The following MCRIP2 variants were observed in gnomAD, a reference collection of about 807,000 sequenced individuals.
MCRIP2 encodes the protein MAPK regulated corepressor interacting protein 2.
In MCRIP2, 21 loss-of-function variants were observed where a neutral mutation model predicts 23.2. The observed-to-expected ratio is 0.90, with a 90% CI of 0.64 to 1.30. The LOEUF is 1.30. Among genes scored for constraint, MCRIP2 ranks in the 50% most tolerant of loss-of-function variants. MCRIP2 has a pLI of 0.00. For synonymous variants in MCRIP2, 121 were observed against 100.2 expected (o/e 1.21, Z -1.24); for missense variants, 234 against 223.2 (o/e 1.05, Z -0.31).
At chr16:647,689 C>A in intron 3 of MCRIP2, 94 bp from the exon 4 acceptor site, 1 of 1,510,630 alleles carries the variant, frequency 6.6e-7, no homozygotes, top group South Asian at 1.2e-5. Context: ...GTGACCAGCC[C>A]TGTGTGGGGC....
At chr16:642,064 G>C in intron 1 of MCRIP2, 21 bp downstream of exon 1, 1 of 1,318,742 alleles carries the variant, frequency 7.6e-7, no homozygotes, top group Non-Finnish European at 9.6e-7. Context: ...GCCGGGGAAC[G>C]GGAACGGGGA....
chr16:645,956 G>A (rs897227020), intron 2 of MCRIP2: 2 of 152,238 alleles, frequency 1.3e-5, no homozygotes, highest in Non-Finnish European at 2.9e-5. Context: ...GAGGGGAGAG[G>A]AGAGGATGCA....
At chr16:647,697 G>A in intron 3 of MCRIP2, 86 bp from the exon 4 acceptor site, 2 of 1,512,352 alleles carry the variant, frequency 1.3e-6, no homozygotes, top group South Asian at 2.4e-5. Context: ...CCCTGTGTGG[G>A]GCTGGAGTCC....
chr16:642,066 G>A, intron 1 of MCRIP2, 23 bp downstream of exon 1: 1 of 1,319,014 alleles, frequency 7.6e-7, no homozygotes, highest in Non-Finnish European at 9.6e-7. Flanking sequence ...CGGGGAACGG[G>A]AACGGGGACG....
At chr16:642,842 T>A (rs1217562461) in intron 2 of MCRIP2, 1 of 152,192 alleles carries the variant, frequency 6.6e-6, no homozygotes, top group African/African-American at 2.4e-5. Flanking sequence ...GACCCAGAGG[T>A]TGGACAGCCC....
At chr16:643,852 G>A (rs976297799) in intron 2 of MCRIP2, among the ~76,000 whole-genome samples, 3 of 152,222 alleles carry the variant, frequency 2.0e-5, no homozygotes, top group African/African-American at 7.2e-5. Context: ...AAGTCCCCAT[G>A]TGAGGTCCTC....
Position 646,151 on chromosome 16 carries a change from GC to G in MCRIP2, c.183-1264del, listed in dbSNP as rs1475438380. ...TCCTGGGGCCCATCTCTGCCCGAGA[GC>G]CGCCACCTCCGCCCTTCGATTCACA... On this transcript the variant is annotated intron_variant, in intron 2 of 4. Transcript: ENST00000307650. This position sits in a 1 kb window ranked among gnomAD's most constrained non-coding sequence, Gnocchi z 6.5. 6.6e-6 allele frequency: 1 copy of G among 152,178 alleles called. No individual in the cohort carries two copies. The highest frequency in any genetic ancestry group is 6.5e-5 in the Admixed American group (1 of 15,284). The allele number at this position is 152,178 out of a possible 1,614,324, so 9.4% of individuals were successfully genotyped here.
chr16:642,299 G>A (rs2037366397), intron 2 of MCRIP2, 50 bp downstream of exon 2: 3 of 1,142,566 alleles, frequency 2.6e-6, no homozygotes, highest in Non-Finnish European at 3.2e-6. Context: ...CCCCTCCCCC[G>A]CCGGCCGCCC....
chr16:643,734 A>T (rs771287232), intron 2 of MCRIP2, among the ~76,000 whole-genome samples: 1 of 151,754 alleles, frequency 6.6e-6, no homozygotes, highest in South Asian at 2.1e-4. Context: ...GTATTTCACC[A>T]TGTTGGCCAG....
chr16:647,456 G>A lies in MCRIP2; in HGVS notation c.222G>A (p.Arg74=). 1 of 1,613,378 alleles carries A rather than the reference G, an allele frequency of 6.2e-7. No homozygotes were observed. The highest frequency in any genetic ancestry group is 8.5e-7 in the Non-Finnish European group (1 of 1,179,994). The change falls in exon 3 of 5, where the codon CGG becomes CGA. Residue 74 remains arginine (R), a synonymous_variant. Coordinates refer to ENST00000307650, the MANE Select transcript of MCRIP2 (RefSeq NM_138418.4). ...PRLVFNRVNG[R]RAPSTSPSFE... ...TTGTGTTCAATCGTGTGAATGGCCGGCGGGCCCCCTCCACGTCCCCATCCT... is the reference window on the plus strand; with the variant it reads ...TTGTGTTCAATCGTGTGAATGGCCGACGGGCCCCCTCCACGTCCCCATCCT...
chr16:642,297 C>G (rs986360764), intron 2 of MCRIP2, 48 bp downstream of exon 2: 3 of 1,143,676 alleles, frequency 2.6e-6, no homozygotes, highest in Non-Finnish European at 3.2e-6. Context: ...TTCCCCTCCC[C>G]CGCCGGCCGC....
At chr16:644,881 G>A (rs969696385) in intron 2 of MCRIP2, among the ~76,000 whole-genome samples, 10 of 152,064 alleles carry the variant, frequency 6.6e-5, no homozygotes, top group Admixed American at 1.3e-4. Context: ...ATGTATGCTG[G>A]CTCTGGTTCC....
At chr16:647,941 C>A in intron 4 of MCRIP2, 57 bp downstream of exon 4, 1 of 1,209,566 alleles carries the variant, frequency 8.3e-7, no homozygotes, top group Non-Finnish European at 1.2e-6. Flanking sequence ...CTGATCCTGA[C>A]CCAGGCCCTG....
rs868056381 is a variant in MCRIP2, at chr16:647,822, C to T, written c.350C>T (p.Ala117Val). The T allele has an allele frequency of 1.3e-6, 2 of 1,577,650 alleles. No individual in the cohort carries two copies. The highest frequency in any genetic ancestry group is 1.8e-5 in the Admixed American group (1 of 55,212). ...QVQQQLDGGP[A>V]GEGGPRPVQY... ...CAACAGCAGCTGGATGGTGGCCCAG[C>T]CGGTGAGGGCGGGCCAAGGCCTGTG... Residue 117 changes from alanine to valine, a missense_variant, in exon 4 of 5, where the codon GCC becomes GTC. Physicochemically the swap from Ala to Val is moderately conservative, Grantham distance 64 (BLOSUM62 0). Coordinates refer to ENST00000307650, the MANE Select transcript of MCRIP2 (RefSeq NM_138418.4).
intron 4 of MCRIP2, 47 bp downstream of exon 4, chr16:647,931 C>A: frequency 7.7e-7 from 1 of 1,291,556 alleles, no homozygotes; most frequent in Non-Finnish European, 1.1e-6. Context: ...CCCAGCCCCT[C>A]TGATCCTGAC....
intron 2 of MCRIP2, chr16:647,114 G>A: frequency 2.4e-6 from 1 of 411,122 alleles, no homozygotes; most frequent in Non-Finnish European, 4.4e-6. Context: ...CTCGGGGAGG[G>A]GTACTGAGTG....
At position 642,269 on chromosome 16, in the gene MCRIP2, G is replaced by A; in HGVS notation, c.182+20G>A. The A allele has an allele frequency of 1.7e-6, 2 of 1,154,894 alleles. No homozygotes were observed. The highest frequency in any genetic ancestry group is 9.5e-5 in the Admixed American group (2 of 21,144). The allele number at this position is 1,154,894 out of a possible 1,614,324, so 71.5% of individuals were successfully genotyped here. On this transcript the variant is annotated intron_variant, in intron 2 of 4. Transcript: ENST00000307650. ...GTCGAGGTGAGACGCGCGCGGCCCC[G>A]GCCCGGCCCGGCCCGGCTTCCCCTC...
At chr16:648,035 G>T in intron 4 of MCRIP2, 85 bp from the exon 5 acceptor site, 6 of 1,376,916 alleles carry the variant, frequency 4.4e-6, no homozygotes, top group Non-Finnish European at 6.0e-6. Context: ...TCGGAGTCCG[G>T]GTGAGCGGCT....
At chr16:644,117 T>A (rs2037417680) in intron 2 of MCRIP2, among the ~76,000 whole-genome samples, 1 of 152,022 alleles carries the variant, frequency 6.6e-6, no homozygotes, top group African/African-American at 2.4e-5. Flanking sequence ...AGTTTTGCTC[T>A]GTTGCCCAGG....
Sources: allele counts gnomAD v4.1 joint callset (sites outside exome capture counted in the v4.1 genomes callset), GRCh38; gene constraint gnomAD v4.1.1; non-coding constraint Gnocchi (gnomAD v3.1); transcripts MANE v1.5; gene names NCBI Gene and HGNC (gene_info 2026-07-23, HGNC 2026-07-21).